Variants in TMEM156 observed in about 807,000 individuals in gnomAD.
TMEM156 encodes transmembrane protein 156.
In TMEM156, 28 loss-of-function variants were observed where a neutral mutation model predicts 30.5. The ratio of observed to expected loss-of-function variants is 0.92; its 90% confidence interval spans 0.68 to 1.26. The LOEUF (loss-of-function observed/expected upper bound fraction) is 1.26, where lower values mean the gene tolerates loss of function less well. TMEM156 is among the 50% of genes most tolerant of loss of function. The probability of loss-of-function intolerance (pLI) is 0.00; values close to 1 mark genes in which losing one functional copy is unlikely to be tolerated. For synonymous variants in TMEM156, 137 were observed against 119.9 expected, an observed-to-expected ratio of 1.14 and a Z score of -0.93; for missense variants, 351 against 340.6, an observed-to-expected ratio of 1.03 and a Z score of -0.24.
At chr4:38,999,802 G>A (rs1180821645) in intron 1 of TMEM156, among the ~76,000 whole-genome samples, 1 of 152,120 alleles carries the variant, frequency 6.6e-6, no homozygotes, top group East Asian at 1.9e-4. Context: ...TAGTCATATT[G>A]CTTTCTCCTC....
intron 5 of TMEM156, among the ~76,000 whole-genome samples, chr4:38,982,619 A>T (rs1468767108): frequency 6.6e-6 from 1 of 152,214 alleles, no homozygotes. Flanking sequence ...ATAGTGCCAG[A>T]TATTATGCTA....
chr4:39,024,495 AT>A (rs1715076212), intron 1 of TMEM156, among the ~76,000 whole-genome samples: 1 of 152,264 alleles, frequency 6.6e-6, no homozygotes, highest in Non-Finnish European at 1.5e-5. Flanking sequence ...CTATGCAGCC[AT>A]AAAAAAGAAA....
intron 1 of TMEM156, among the ~76,000 whole-genome samples, chr4:39,021,131 A>C (rs1364088531): frequency 1.3e-5 from 2 of 152,182 alleles, no homozygotes; most frequent in Non-Finnish European, 2.9e-5. Context: ...AGCCTGATGC[A>C]GTGGTTGATG....
At chr4:38,976,597 A>G (rs949014894) in intron 5 of TMEM156, among the ~76,000 whole-genome samples, 1 of 152,242 alleles carries the variant, frequency 6.6e-6, no homozygotes, top group East Asian at 1.9e-4. Flanking sequence ...CTGTGAGATA[A>G]TAAGTGTGTG....
At chr4:39,023,462 T>C (rs1019347779) in intron 1 of TMEM156, among the ~76,000 whole-genome samples, 2 of 152,206 alleles carry the variant, frequency 1.3e-5, no homozygotes, top group African/African-American at 4.8e-5. Flanking sequence ...GTTGTGTATT[T>C]ATATGATGGA....
intron 6 of TMEM156, among the ~76,000 whole-genome samples, chr4:38,969,883 A>G (rs1376086685): frequency 6.6e-6 from 1 of 152,134 alleles, no homozygotes; most frequent in Non-Finnish European, 1.5e-5. Context: ...GTGAGCCACC[A>G]CACCCTGAGG....
rs59087758 is a variant in TMEM156, at chr4:38,986,807, CAAAAAAAAAAAAAAAAAAAAAAAAAAAAA to C, written c.740-417_740-389del. On this transcript the variant is annotated intron_variant, in intron 4 of 6. Transcript: ENST00000381938. ...TGGACGAAAGAGTGAGACTCCATCT[CAAAAAAAAAAAAAAAAAAAAAAAAAAAAA>C]AAAAAAAAAAAAAAAGGAAAGCGAC... Among the ~76,000 whole-genome samples, 140 of 23,752 alleles carry C rather than the reference CAAAAAAAAAAAAAAAAAAAAAAAAAAAAA, an allele frequency of 5.9e-3. 4 individuals carry two copies. In the East Asian group the frequency reaches 0.13, roughly 23 times the overall value. 15.6% of individuals were successfully genotyped at this position (23,752 alleles called of 152,430 possible).
chr4:39,002,387 G>C (rs1713427412), intron 1 of TMEM156, among the ~76,000 whole-genome samples: 1 of 147,298 alleles, frequency 6.8e-6, no homozygotes, highest in Admixed American at 6.8e-5. Context: ...GGAAACGACA[G>C]GTGCTGGAGA....
chr4:38,969,686 A>G (rs896860896), intron 6 of TMEM156, among the ~76,000 whole-genome samples: 1 of 152,104 alleles, frequency 6.6e-6, no homozygotes, highest in Non-Finnish European at 1.5e-5. Context: ...TCAACTTCCC[A>G]GGCTCAAGTG....
chr4:38,983,846 C>G (rs1268173249), intron 5 of TMEM156, among the ~76,000 whole-genome samples: 1 of 152,220 alleles, frequency 6.6e-6, no homozygotes, highest in Non-Finnish European at 1.5e-5. Flanking sequence ...TACTCTGTCT[C>G]TTTATTTGCT....
intron 3 of TMEM156, 125 bp downstream of exon 3, chr4:38,993,613 G>C: frequency 1.3e-6 from 1 of 772,672 alleles, no homozygotes. Flanking sequence ...ATTCTTTCAG[G>C]CTATATTATT....
At position 39,023,931 on chromosome 4, in the gene TMEM156, AAAG is replaced by A. The variant is rs570156850; in HGVS notation, c.88+8292_88+8294del. Reference sequence around the variant, plus strand: ...GTGATGAGTCCATTTACACAAAATAAAAGAAGAGACAAAACCAATTTATGGTGA... The same window carrying A: ...GTGATGAGTCCATTTACACAAAATAAAAGAGACAAAACCAATTTATGGTGA... On this transcript the variant is annotated intron_variant, in intron 1 of 6. Transcript: ENST00000381938. Among the ~76,000 whole-genome samples the A allele has an allele frequency of 3.6e-4, 55 of 152,380 alleles. No individual in the cohort carries two copies. In the South Asian group the frequency reaches 0.011, roughly 30 times the overall value.
In TMEM156 at chr4:38,988,858, C is replaced by G. The variant is rs1712203857; in HGVS notation, c.732G>C (p.Lys244Asn). 2 of 1,614,038 alleles carry G rather than the reference C, an allele frequency of 1.2e-6. No homozygotes were observed. The highest frequency in any genetic ancestry group is 4.5e-5 in the East Asian group (2 of 44,864). Reference protein sequence around the residue: ...KILEGQRRVQKWQSHRDKPTS... With the variant: ...KILEGQRRVQNWQSHRDKPTS... ...TACAGGGATTATACTTACTCTGCCA[C>G]TTTTGCACTCTTCTCTGGCCTTCAA... The change falls in exon 4 of 7, where the codon AAG becomes AAC. Residue 244 changes from lysine to asparagine, a missense_variant. Coordinates refer to ENST00000381938, the MANE Select transcript of TMEM156 (RefSeq NM_024943.3).
At chr4:39,002,449 G>C (rs570772627) in intron 1 of TMEM156, among the ~76,000 whole-genome samples, 1,480 of 131,734 alleles carry the variant, frequency 0.011, 48 homozygotes, top group African/African-American at 0.036. Flanking sequence ...CTGTAAACTA[G>C]TTCAACCATT....
intron 1 of TMEM156, among the ~76,000 whole-genome samples, chr4:39,025,023 GT>G (rs368607325): frequency 1.3e-5 from 2 of 152,262 alleles, no homozygotes; most frequent in African/African-American, 4.8e-5. Context: ...AACATATGAT[GT>G]TTTCCTTTGG....
chr4:38,993,778 A>T lies in TMEM156; in HGVS notation c.579T>A (p.Asp193Glu). ...YTCRIMEYPNDCIHISLHLEM... is the reference protein window; with the variant it reads ...YTCRIMEYPNECIHISLHLEM... The stretch of plus-strand genomic sequence containing the variant: ...CTAGGTGCAAAGAAATGTGTATACA[A>T]TCATTCGGGTATTCCATGATTCTAC... Residue 193 changes from aspartate to glutamate, a missense_variant, in exon 3 of 7, where the codon GAT becomes GAA. Coordinates refer to ENST00000381938, the MANE Select transcript of TMEM156 (RefSeq NM_024943.3). 1 of 1,613,732 alleles carries T rather than the reference A, an allele frequency of 6.2e-7. No individual in the cohort carries two copies. The highest frequency in any genetic ancestry group is 8.5e-7 in the Non-Finnish European group (1 of 1,179,674).
chr4:38,982,025 C>T, intron 5 of TMEM156, among the ~76,000 whole-genome samples: 1 of 152,142 alleles, frequency 6.6e-6, no homozygotes, highest in Non-Finnish European at 1.5e-5. Context: ...AGGGTGTAGC[C>T]AAAGGAGATT....
At position 39,003,576 on chromosome 4, in the gene TMEM156, C is replaced by T. The variant is rs149720584; in HGVS notation, c.89-4667G>A. Among the ~76,000 whole-genome samples, 1,158 of 152,046 alleles carry T rather than the reference C, an allele frequency of 7.6e-3. 24 individuals are homozygous for T. Among genetic ancestry groups the T allele is most frequent in the African/African-American group, 0.025 (1,028 of 41,464 alleles). ...CTTGAACTCCCGACCTCAGGTGATCCGCCCACCTCGGCCTCCCAAAGTGCT... is the reference window on the plus strand; with the variant it reads ...CTTGAACTCCCGACCTCAGGTGATCTGCCCACCTCGGCCTCCCAAAGTGCT... On this transcript the variant is annotated intron_variant, in intron 1 of 6. Transcript: ENST00000381938.
intron 3 of TMEM156, among the ~76,000 whole-genome samples, chr4:38,989,440 A>G (rs1393284596): frequency 6.6e-6 from 1 of 152,252 alleles, no homozygotes; most frequent in Non-Finnish European, 1.5e-5. Context: ...GGTCTGAGGC[A>G]TATAAGTGGC....
Sources: gnomAD v4.1 joint callset for allele counts (sites outside exome capture counted in the v4.1 genomes callset) on GRCh38, gnomAD v4.1.1 for gene constraint, MANE v1.5 for transcripts, NCBI Gene and HGNC (gene_info 2026-07-23, HGNC 2026-07-21) for gene names.